EXOC6B: variants seen among roughly 807,000 people sequenced by gnomAD.
EXOC6B encodes SEC15 homolog B.
In EXOC6B, 54 loss-of-function variants were observed where a neutral mutation model predicts 113.5. The ratio of observed to expected loss-of-function variants is 0.48; its 90% CI spans 0.38 to 0.60. The LOEUF is 0.60. Among genes scored for constraint, EXOC6B ranks in the 20% least tolerant of loss-of-function variants. The pLI, the probability that EXOC6B is intolerant of heterozygous loss-of-function variation, is 0.00. For synonymous variants in EXOC6B, 357 were observed against 339.0 expected, an observed-to-expected ratio of 1.05 and a Z score of -0.58; for missense variants, 797 against 977.5, an observed-to-expected ratio of 0.82 and a Z score of 2.46.
intron 6 of EXOC6B, among the ~76,000 whole-genome samples, chr2:72,636,393 G>A (rs957394285): frequency 7.1e-6 from 1 of 140,550 alleles, no homozygotes; most frequent in Non-Finnish European, 1.6e-5. Context: ...AGGAAGGGAG[G>A]GAAGATGAAG....
chr2:72,688,463 T>A (rs888599737), intron 6 of EXOC6B, among the ~76,000 whole-genome samples: 1 of 151,910 alleles, frequency 6.6e-6, no homozygotes, highest in Non-Finnish European at 1.5e-5. Flanking sequence ...CCATCCTCCT[T>A]CCTGGTGGGC....
At chr2:72,251,939 TC>T (rs991843155) in intron 20 of EXOC6B, among the ~76,000 whole-genome samples, 1 of 151,918 alleles carries the variant, frequency 6.6e-6, no homozygotes, top group Non-Finnish European at 1.5e-5. Flanking sequence ...AACCCATATT[TC>T]CCCCCCTTCT....
intron 19 of EXOC6B, among the ~76,000 whole-genome samples, chr2:72,370,739 A>C (rs1690948772): frequency 6.6e-6 from 1 of 152,100 alleles, no homozygotes; most frequent in Non-Finnish European, 1.5e-5. Context: ...GGAAACCATC[A>C]TTCTCAGCAA....
chr2:72,276,098 C>T (rs771023547), intron 20 of EXOC6B, among the ~76,000 whole-genome samples: 21 of 152,038 alleles, frequency 1.4e-4, no homozygotes, highest in Admixed American at 1.1e-3. Context: ...CAACACCTGA[C>T]CTCTGGAGTG....
At chr2:72,577,299 T>C (rs972529643) in intron 6 of EXOC6B, among the ~76,000 whole-genome samples, 1 of 152,064 alleles carries the variant, frequency 6.6e-6, no homozygotes. Flanking sequence ...GAATATTCTA[T>C]TGTTCTCAAA....
intron 17 of EXOC6B, among the ~76,000 whole-genome samples, chr2:72,476,003 T>C (rs896627699): frequency 7.2e-5 from 11 of 152,208 alleles, no homozygotes; most frequent in Non-Finnish European, 2.9e-5. Context: ...TCCAGGATAA[T>C]GCGCTATCTG....
chr2:72,343,772 T>C (rs1426465912), intron 19 of EXOC6B, among the ~76,000 whole-genome samples: 18 of 152,146 alleles, frequency 1.2e-4, no homozygotes, highest in Admixed American at 1.2e-3. Flanking sequence ...TTGATAGTTT[T>C]TTCTTCTAGT....
At chr2:72,351,742 G>A (rs926071924) in intron 19 of EXOC6B, among the ~76,000 whole-genome samples, 2 of 151,960 alleles carry the variant, frequency 1.3e-5, no homozygotes, top group Non-Finnish European at 2.9e-5. Flanking sequence ...CTCTCCTATG[G>A]ATTTATCACC....
intron 18 of EXOC6B, among the ~76,000 whole-genome samples, chr2:72,436,841 A>C (rs900331777): frequency 1.3e-5 from 2 of 152,070 alleles, no homozygotes; most frequent in African/African-American, 4.8e-5. Flanking sequence ...TCATTGGGTT[A>C]GATCATGCTC....
chr2:72,184,837 G>A (rs1326681326), intron 20 of EXOC6B, among the ~76,000 whole-genome samples: 2 of 152,196 alleles, frequency 1.3e-5, no homozygotes, highest in East Asian at 1.9e-4. Context: ...GCAGACACAG[G>A]CTAAGAAGAT....
At position 72,356,355 on chromosome 2, in the gene EXOC6B, T is replaced by C. The variant is rs188105729; in HGVS notation, c.2123-21335A>G. ...AGTGCTTCAGATCTTAACTAGACAG[T>C]TTGATTTTCCTGTGAAACCAACATT... On this transcript the variant is annotated intron_variant, in intron 19 of 21. Coordinates refer to ENST00000272427, the MANE Select transcript of EXOC6B (RefSeq NM_015189.3). Among the ~76,000 whole-genome samples the C allele has an allele frequency of 3.4e-3, 524 of 152,266 alleles. 3 individuals are homozygous for C. The highest frequency in any genetic ancestry group is 6.0e-3 in the Non-Finnish European group (409 of 68,026).
intron 18 of EXOC6B, among the ~76,000 whole-genome samples, chr2:72,380,387 A>C (rs898747491): frequency 6.6e-6 from 1 of 152,118 alleles, no homozygotes; most frequent in Non-Finnish European, 1.5e-5. Context: ...CGCCTGTAAT[A>C]CCAGCACTTT....
chr2:72,590,284 T>C (rs1424650293), intron 6 of EXOC6B, among the ~76,000 whole-genome samples: 2 of 151,772 alleles, frequency 1.3e-5, no homozygotes, highest in Admixed American at 1.3e-4. Flanking sequence ...ACAAAGCAAA[T>C]CTAGAAAAAT....
chr2:72,228,535 G>A (rs780085565), intron 20 of EXOC6B, among the ~76,000 whole-genome samples: 5 of 151,624 alleles, frequency 3.3e-5, no homozygotes, highest in East Asian at 2.0e-4. Context: ...TTTTCCTTGC[G>A]ATAGTTTGCT....
At chr2:72,529,859 G>T (rs1314784312) in intron 8 of EXOC6B, among the ~76,000 whole-genome samples, 2 of 152,142 alleles carry the variant, frequency 1.3e-5, no homozygotes, top group African/African-American at 4.8e-5. Context: ...GTGATAGTTT[G>T]TGTTTTTCAG....
intron 6 of EXOC6B, among the ~76,000 whole-genome samples, chr2:72,602,402 GAGAA>G (rs1670490344): frequency 1.3e-5 from 2 of 152,114 alleles, no homozygotes. Context: ...TACTCCACGT[GAGAA>G]AGAGACAGAA....
intron 6 of EXOC6B, among the ~76,000 whole-genome samples, chr2:72,615,251 C>A (rs1671312033): frequency 6.6e-6 from 1 of 151,838 alleles, no homozygotes; most frequent in South Asian, 2.1e-4. Context: ...ATATACATAT[C>A]AACTATTATA....
At chr2:72,448,320 G>T (rs1272045731) in intron 18 of EXOC6B, among the ~76,000 whole-genome samples, 1 of 152,008 alleles carries the variant, frequency 6.6e-6, no homozygotes, top group Non-Finnish European at 1.5e-5. Context: ...ATAATTGTCT[G>T]TCTCTAGCTA....
intron 18 of EXOC6B, among the ~76,000 whole-genome samples, chr2:72,419,673 G>T (rs922253078): frequency 6.6e-6 from 1 of 152,186 alleles, no homozygotes; most frequent in African/African-American, 2.4e-5. Context: ...TGTGCTCATA[G>T]TTTTATCAAG....
Sources: gnomAD v4.1 joint callset for allele counts (sites outside exome capture counted in the v4.1 genomes callset) on GRCh38, gnomAD v4.1.1 for gene constraint, MANE v1.5 for transcripts, NCBI Gene and HGNC (gene_info 2026-07-23, HGNC 2026-07-21) for gene names.